SCAPER: variants seen among roughly 807,000 people sequenced by gnomAD.
SCAPER encodes S phase cyclin A-associated protein in the endoplasmic reticulum.
SCAPER carries 98 observed loss-of-function variants against 182.2 expected under a neutral mutation model. That is an observed-to-expected ratio of 0.54 (90% CI 0.46 to 0.64). The LOEUF (loss-of-function observed/expected upper bound fraction) is 0.64. Ranked by LOEUF, SCAPER falls within the 30% of genes least tolerant of loss-of-function variation. The pLI is 0.00. For synonymous variants in SCAPER, 605 were observed against 564.6 expected, an observed-to-expected ratio of 1.07 and a Z score of -1.01; for missense variants, 1,432 against 1,690.0, an observed-to-expected ratio of 0.85 and a Z score of 2.68.
chr15:76,428,267 G>T (rs1233232811), intron 26 of SCAPER, among the ~76,000 whole-genome samples: 1 of 151,984 alleles, frequency 6.6e-6, no homozygotes, highest in African/African-American at 2.4e-5. Context: ...TAAATCCAAA[G>T]AAATGAAACC....
intron 8 of SCAPER, among the ~76,000 whole-genome samples, chr15:76,792,071 T>C (rs76171653): frequency 0.032 from 4,771 of 150,546 alleles, 129 homozygotes; most frequent in Non-Finnish European, 0.05. Flanking sequence ...GGAGGCTCTA[T>C]AATCTTTAAT....
intron 2 of SCAPER, among the ~76,000 whole-genome samples, chr15:76,879,234 T>C (rs2073378867): frequency 6.6e-6 from 1 of 152,224 alleles, no homozygotes; most frequent in African/African-American, 2.4e-5. Context: ...TGCCCCTCTA[T>C]AATGCACATT....
At chr15:76,473,843 C>T (rs1243626190) in intron 24 of SCAPER, among the ~76,000 whole-genome samples, 2 of 152,060 alleles carry the variant, frequency 1.3e-5, no homozygotes, top group Non-Finnish European at 2.9e-5. Context: ...CACTCTGTCA[C>T]CCAGGCTGGA....
chr15:76,497,624 A>G (rs1204001778), intron 24 of SCAPER, among the ~76,000 whole-genome samples: 2 of 152,140 alleles, frequency 1.3e-5, no homozygotes, highest in Admixed American at 6.6e-5. Context: ...TGCAAACTGA[A>G]GACACAAAGG....
At chr15:76,741,613 T>A (rs1446379846) in intron 15 of SCAPER, among the ~76,000 whole-genome samples, 1 of 152,116 alleles carries the variant, frequency 6.6e-6, no homozygotes, top group Non-Finnish European at 1.5e-5. Flanking sequence ...TGCAGGTGTA[T>A]GTATACATAG....
At chr15:76,398,023 C>A (rs897993528) in intron 27 of SCAPER, among the ~76,000 whole-genome samples, 3 of 152,154 alleles carry the variant, frequency 2.0e-5, no homozygotes, top group Admixed American at 2.0e-4. Context: ...CATTAAAATA[C>A]CACCATATAT....
intron 8 of SCAPER, among the ~76,000 whole-genome samples, chr15:76,785,595 C>A (rs2064524926): frequency 1.3e-5 from 2 of 152,148 alleles, no homozygotes; most frequent in Non-Finnish European, 2.9e-5. Context: ...TATTGTGGCA[C>A]TATTCACAAT....
intron 28 of SCAPER, among the ~76,000 whole-genome samples, chr15:76,377,904 T>G (rs771396360): frequency 4.6e-5 from 7 of 152,230 alleles, no homozygotes; most frequent in Non-Finnish European, 8.8e-5. Flanking sequence ...AAATTCTTCT[T>G]TTCAGAAACT....
chr15:76,686,809 AG>A (rs2058062323), intron 20 of SCAPER, among the ~76,000 whole-genome samples: 1 of 152,164 alleles, frequency 6.6e-6, no homozygotes, highest in African/African-American at 2.4e-5. Flanking sequence ...ACATACAGCA[AG>A]GTATTCTTTT....
intron 8 of SCAPER, among the ~76,000 whole-genome samples, chr15:76,775,923 A>G (rs955300547): frequency 6.6e-6 from 1 of 152,212 alleles, no homozygotes; most frequent in African/African-American, 2.4e-5. Flanking sequence ...TATAGCCCCA[A>G]TTGTAAATTT....
intron 24 of SCAPER, among the ~76,000 whole-genome samples, chr15:76,482,683 C>T (rs540356353): frequency 9.5e-4 from 145 of 152,296 alleles, no homozygotes; most frequent in African/African-American, 3.3e-3. Flanking sequence ...TAAAAGTCAA[C>T]TGCCATCCTA....
At chr15:76,543,365 T>C (rs1274844879) in intron 23 of SCAPER, among the ~76,000 whole-genome samples, 1 of 152,208 alleles carries the variant, frequency 6.6e-6, no homozygotes, top group African/African-American at 2.4e-5. Flanking sequence ...TTTTTTCTTA[T>C]TTAAAATACA....
chr15:76,898,729 T>C (rs2074571701), intron 1 of SCAPER, among the ~76,000 whole-genome samples: 1 of 152,156 alleles, frequency 6.6e-6, no homozygotes, highest in Non-Finnish European at 1.5e-5. Flanking sequence ...AGGGTGGCTG[T>C]AGCTGGAGAT....
At chr15:76,749,276 T>C (rs896384261) in intron 15 of SCAPER, among the ~76,000 whole-genome samples, 8 of 152,066 alleles carry the variant, frequency 5.3e-5, no homozygotes, top group African/African-American at 1.4e-4. Context: ...CAAAACACCA[T>C]GTGAACAATT....
chr15:76,439,055 A>G (rs1026602529), intron 25 of SCAPER, among the ~76,000 whole-genome samples: 22 of 152,122 alleles, frequency 1.4e-4, no homozygotes, highest in African/African-American at 4.1e-4. Context: ...GAATTAAGGT[A>G]AGGAGGGGCT....
At chr15:76,849,107 C>A (rs1462006926) in intron 4 of SCAPER, among the ~76,000 whole-genome samples, 1 of 152,112 alleles carries the variant, frequency 6.6e-6, no homozygotes, top group Non-Finnish European at 1.5e-5. Context: ...GAGAGGAGAC[C>A]AACCTCTCCT....
In SCAPER at chr15:76,381,452, T is replaced by C. The variant is rs753312847; in HGVS notation, c.3631A>G (p.Asn1211Asp). 3.7e-6 allele frequency: 6 copies of C among 1,613,844 alleles called. No individual in the cohort carries two copies. The highest frequency in any genetic ancestry group is 5.1e-6 in the Non-Finnish European group (6 of 1,179,862). Reference sequence around the variant, plus strand: ...CTCTGAATGGCCACTTGGATGGTATTTTGAGTGTAATTCTCCTTGGGACTG... The same window carrying C: ...CTCTGAATGGCCACTTGGATGGTATCTTGAGTGTAATTCTCCTTGGGACTG... ...TASPKENYTQ[N>D]TIQVAIQSLR... Residue 1211 changes from asparagine to aspartate, a missense_variant, in exon 28 of 32, where the codon AAT becomes GAT. Physicochemically the swap from Asn to Asp is conservative, Grantham distance 23. Around this residue, in one of 5 missense-constraint regions of SCAPER, gnomAD observed 718 missense variants for 799.7 expected, o/e 0.90. Coordinates refer to ENST00000563290, the MANE Select transcript of SCAPER (RefSeq NM_020843.4).
Position 76,377,173 on chromosome 15 carries a change from C to T in SCAPER, c.3706-862G>A, listed in dbSNP as rs142405394. On this transcript the variant is annotated intron_variant, in intron 28 of 31. Coordinates refer to ENST00000563290, the MANE Select transcript of SCAPER (RefSeq NM_020843.4). ...TAGTGGGCTTGAACCAGGTTGGATA[C>T]GTTGCACCTTGGAAGTTTCAATGAA... is the stretch of plus-strand genomic sequence containing the variant. Among the ~76,000 whole-genome samples the T allele has an allele frequency of 2.0e-3, 312 of 152,290 alleles. 2 individuals carry two copies. Among genetic ancestry groups the T allele is most frequent in the African/African-American group, 6.6e-3 (274 of 41,570 alleles).
chr15:76,439,063 G>A (rs1011314965), intron 25 of SCAPER, among the ~76,000 whole-genome samples: 1 of 152,016 alleles, frequency 6.6e-6, no homozygotes, highest in African/African-American at 2.4e-5. Flanking sequence ...GTAAGGAGGG[G>A]CTCATCTTCA....
Sources: allele counts gnomAD v4.1 joint callset (sites outside exome capture counted in the v4.1 genomes callset), GRCh38; gene constraint gnomAD v4.1.1; regional missense constraint gnomAD v4.1.1; transcripts MANE v1.5; gene names NCBI Gene and HGNC (gene_info 2026-07-23, HGNC 2026-07-21).